PHACTR2: variants seen among roughly 807,000 people sequenced by gnomAD.
PHACTR2 encodes the protein chromosome 6 open reading frame 56.
A neutral mutation model predicts 76.0 loss-of-function variants in PHACTR2; 30 were observed. The ratio of observed to expected loss-of-function variants is 0.39; its 90% confidence interval spans 0.30 to 0.54. The LOEUF (loss-of-function observed/expected upper bound fraction) is 0.54, where lower values mean the gene tolerates loss of function less well. Among genes scored for constraint, PHACTR2 ranks in the 20% least tolerant of loss-of-function variants. The pLI, the probability that PHACTR2 is intolerant of heterozygous loss-of-function variation, is 0.61. For synonymous variants in PHACTR2, 292 were observed against 292.5 expected (o/e 1.00, Z 0.02); for missense variants, 696 against 781.1 (o/e 0.89, Z 1.30).
At chr6:143,747,524 A>G (rs1387405375) in intron 2 of PHACTR2, among the ~76,000 whole-genome samples, 2 of 152,196 alleles carry the variant, frequency 1.3e-5, no homozygotes, top group Non-Finnish European at 2.9e-5. Context: ...TGGATGTGTC[A>G]GAACCTGGTT....
rs935900741 is a variant in PHACTR2 at position 143,795,364 on chromosome 6, T to C, written c.1845+6454T>C. On this transcript the variant is annotated intron_variant, in intron 11 of 12. Coordinates refer to ENST00000440869, the MANE Select transcript of PHACTR2 (RefSeq NM_001100164.2). This position sits in a 1 kb window ranked among gnomAD's most constrained non-coding sequence, Gnocchi z 4.8. ...GGGAGTTCAAGACTGCAATGAGCTGTGATTGTGCCACTGCACTGCAGCCTG... is the reference window on the plus strand; with the variant it reads ...GGGAGTTCAAGACTGCAATGAGCTGCGATTGTGCCACTGCACTGCAGCCTG... Among the ~76,000 whole-genome samples, 1 of 152,132 alleles carries C rather than the reference T, an allele frequency of 6.6e-6. No individual in the cohort carries two copies. Among genetic ancestry groups the C allele is most frequent in the African/African-American group, 2.4e-5 (1 of 41,418 alleles).
rs62427369 is a variant in PHACTR2, at chr6:143,625,972, G to C, written c.13+17650G>C. On this transcript the variant is annotated intron_variant, in intron 1 of 11. Coordinates refer to the PHACTR2 transcript ENST00000305766. The surrounding 1 kb of genome is among the most constrained non-coding windows in gnomAD (Gnocchi z 4.3). ...AGTGACTGGCCATCTAAATGTGACTGGGTTACAAAATTTGGGAGATTTGCA... is the reference window on the plus strand; with the variant it reads ...AGTGACTGGCCATCTAAATGTGACTCGGTTACAAAATTTGGGAGATTTGCA... Among the ~76,000 whole-genome samples the C allele has an allele frequency of 4.5e-3, 684 of 152,270 alleles. 4 individuals carry two copies. Among genetic ancestry groups the C allele is most frequent in the Non-Finnish European group, 7.2e-3 (489 of 68,016 alleles).
At chr6:143,682,799 T>A (rs1227930408) in intron 1 of PHACTR2, among the ~76,000 whole-genome samples, 2 of 152,032 alleles carry the variant, frequency 1.3e-5, no homozygotes, top group Admixed American at 6.6e-5. Context: ...TGTTTTTTTT[T>A]ACCATTAACT....
Position 143,692,390 on chromosome 6 carries a change from C to G in PHACTR2, c.46+14181C>G, listed in dbSNP as rs1345011861. Reference sequence around the variant, plus strand: ...TAAACCAGAACAAGTTAACTGAGCTCATGCCGTGGGTTCCTGTTGGCCTGA... The same window carrying G: ...TAAACCAGAACAAGTTAACTGAGCTGATGCCGTGGGTTCCTGTTGGCCTGA... On this transcript the variant is annotated intron_variant, in intron 1 of 12. Transcript: ENST00000440869. Among the ~76,000 whole-genome samples the G allele has an allele frequency of 2.0e-5, 3 of 152,332 alleles. 1 individual carries two copies. Among genetic ancestry groups the G allele is most frequent in the African/African-American group, 7.2e-5 (3 of 41,562 alleles).
chr6:143,756,470 C>T (rs1263540869), intron 4 of PHACTR2, among the ~76,000 whole-genome samples: 1 of 151,780 alleles, frequency 6.6e-6, no homozygotes, highest in East Asian at 1.9e-4. Context: ...CCGAGGCGGG[C>T]GGATCACGAG....
chr6:143,595,693 C>A lies in PHACTR2; in HGVS notation c.217+58486C>A, dbSNP rs1180785838. 1.3e-5 allele frequency among the ~76,000 whole-genome samples: 2 copies of A among 152,180 alleles called. No homozygotes were observed. Among genetic ancestry groups the A allele is most frequent in the Non-Finnish European group, 2.9e-5 (2 of 68,026 alleles). ...CCTACATTAGTTCCAGTACCCAGCC[C>A]TCTTTCGTGAAGAGGACTAGAGGTG... On this transcript the variant is annotated intron_variant, in intron 1 of 11. Coordinates refer to the PHACTR2 transcript ENST00000367584. The surrounding 1 kb of genome is among the most constrained non-coding windows in gnomAD (Gnocchi z 4.2).
In PHACTR2 at chr6:143,807,091, G is replaced by C; in HGVS notation, c.1880G>C (p.Ser627Thr). The C allele has an allele frequency of 6.2e-7, 1 of 1,607,094 alleles. No homozygotes were observed. The highest frequency in any genetic ancestry group is 8.5e-7 in the Non-Finnish European group (1 of 1,175,138). Residue 627 changes from serine to threonine, a missense_variant, in exon 12 of 13, where the codon AGC becomes ACC. Physicochemically the swap from Ser to Thr is moderately conservative, Grantham distance 58. Around this residue, in one of 2 missense-constraint regions of PHACTR2, gnomAD observed 236 missense variants for 330.2 expected, o/e 0.71. Transcript: ENST00000440869. This position sits in a 1 kb window ranked among gnomAD's most constrained non-coding sequence, Gnocchi z 5.5. Reference sequence around the variant, plus strand: ...AGGAAAGAACTAAATGAATTTAAAAGCACAGAAATGGAAGTTCATGAAGAG... The same window carrying C: ...AGGAAAGAACTAAATGAATTTAAAACCACAGAAATGGAAGTTCATGAAGAG... ...AIRKELNEFK[S>T]TEMEVHEESR...
In PHACTR2 at chr6:143,741,246, G is replaced by A. The variant is rs1162128690; in HGVS notation, c.215-7739G>A. ...ACAAAAATTAGCCAGTCATGGTGGC[G>A]CACGCCTTTAATCCCAGCTACTCAG... On this transcript the variant is annotated intron_variant, in intron 2 of 12. Transcript: ENST00000440869. 2.7e-5 allele frequency among the ~76,000 whole-genome samples: 4 copies of A among 149,506 alleles called. No homozygotes were observed. The East Asian group carries it at 6.0e-4, about 22-fold the overall frequency.
At chr6:143,770,533 G>T (rs2128474692) in intron 6 of PHACTR2, among the ~76,000 whole-genome samples, 1 of 152,262 alleles carries the variant, frequency 6.6e-6, no homozygotes, top group Middle Eastern at 3.4e-3. Flanking sequence ...CAATAAAAAT[G>T]AGATTTCCTA....
In PHACTR2 at chr6:143,549,868, A is replaced by G. The variant is rs1042906108; in HGVS notation, c.217+12661A>G. On this transcript the variant is annotated intron_variant, in intron 1 of 11. Coordinates refer to the PHACTR2 transcript ENST00000367584. The surrounding 1 kb of genome is among the most constrained non-coding windows in gnomAD (Gnocchi z 4.2). ...ATTCAGCCGGTCCCTGGCCTCAACAAGCAAGCTCTTAATCCTAGGTTGTGG... is the reference window on the plus strand; with the variant it reads ...ATTCAGCCGGTCCCTGGCCTCAACAGGCAAGCTCTTAATCCTAGGTTGTGG... Among the ~76,000 whole-genome samples the G allele has an allele frequency of 2.6e-5, 4 of 151,852 alleles. No individual in the cohort carries two copies. Among genetic ancestry groups the G allele is most frequent in the African/African-American group, 9.7e-5 (4 of 41,356 alleles).
In PHACTR2 at chr6:143,559,821, C is replaced by T. The variant is rs187289711; in HGVS notation, c.217+22614C>T. 2.4e-4 allele frequency among the ~76,000 whole-genome samples: 36 copies of T among 148,056 alleles called. No homozygotes were observed. The East Asian group carries it at 7.0e-3, about 29-fold the overall frequency. ...TGCTTCCCAGGTTCAATCGATTCTCCTGCCTCAGCCTCCCAAGTAGCTGGG... is the reference window on the plus strand; with the variant it reads ...TGCTTCCCAGGTTCAATCGATTCTCTTGCCTCAGCCTCCCAAGTAGCTGGG... On this transcript the variant is annotated intron_variant, in intron 1 of 11. Coordinates refer to the PHACTR2 transcript ENST00000367584.
chr6:143,729,768 G>A (rs1053597654), intron 2 of PHACTR2, among the ~76,000 whole-genome samples: 2 of 152,060 alleles, frequency 1.3e-5, no homozygotes, highest in South Asian at 2.1e-4. Flanking sequence ...TGTCAGATAT[G>A]TTACTTGGTG....
intron 2 of PHACTR2, among the ~76,000 whole-genome samples, chr6:143,728,473 T>A (rs1778627972): frequency 6.6e-6 from 1 of 151,868 alleles, no homozygotes; most frequent in Non-Finnish European, 1.5e-5. Flanking sequence ...CTCATGAGAT[T>A]TTTCACAGAC....
chr6:143,786,529 A>T (rs982335290), intron 10 of PHACTR2, among the ~76,000 whole-genome samples: 4 of 152,186 alleles, frequency 2.6e-5, no homozygotes, highest in African/African-American at 7.2e-5. Flanking sequence ...GTATCTTTTC[A>T]GGAACACCCC....
At position 143,659,523 on chromosome 6, in the gene PHACTR2, C is replaced by T. The variant is rs745775930; in HGVS notation, c.13+51201C>T. Reference sequence around the variant, plus strand: ...GAATGCCAGACTGAGGGCTCAGTTTCTTGCTGGCTGTGAGTGGGAGGTTGC... The same window carrying T: ...GAATGCCAGACTGAGGGCTCAGTTTTTTGCTGGCTGTGAGTGGGAGGTTGC... On this transcript the variant is annotated intron_variant, in intron 1 of 11. Coordinates refer to the PHACTR2 transcript ENST00000305766. This position sits in a 1 kb window ranked among gnomAD's most constrained non-coding sequence, Gnocchi z 5.0. 2.0e-5 allele frequency among the ~76,000 whole-genome samples: 3 copies of T among 152,186 alleles called. No homozygotes were observed. Among genetic ancestry groups the T allele is most frequent in the Non-Finnish European group, 2.9e-5 (2 of 68,032 alleles).
At chr6:143,655,023 G>T (rs926264078) in intron 1 of PHACTR2, among the ~76,000 whole-genome samples, 1 of 152,030 alleles carries the variant, frequency 6.6e-6, no homozygotes, top group African/African-American at 2.4e-5. Context: ...CGGGTGTGAT[G>T]GCACATGCCT....
chr6:143,732,896 A>G (rs1778733499), intron 2 of PHACTR2, among the ~76,000 whole-genome samples: 1 of 151,664 alleles, frequency 6.6e-6, no homozygotes, highest in African/African-American at 2.4e-5. Context: ...TTTCTGATTT[A>G]TTTATTTATT....
intron 2 of PHACTR2, among the ~76,000 whole-genome samples, chr6:143,714,881 G>A (rs770087526): frequency 1.1e-4 from 17 of 151,966 alleles, no homozygotes; most frequent in Non-Finnish European, 2.2e-4. Flanking sequence ...TGATTTGGTG[G>A]GAGGTGAGGA....
intron 10 of PHACTR2, among the ~76,000 whole-genome samples, chr6:143,785,543 G>T (rs116958909): frequency 0.038 from 5,780 of 152,234 alleles, 156 homozygotes; most frequent in Non-Finnish European, 0.055. Context: ...GACCCTCTTT[G>T]CACAGCTCCA....
Sources: allele counts gnomAD v4.1 joint callset (sites outside exome capture counted in the v4.1 genomes callset), GRCh38; gene constraint gnomAD v4.1.1; regional missense constraint gnomAD v4.1.1; non-coding constraint Gnocchi (gnomAD v3.1); transcripts MANE v1.5; gene names NCBI Gene and HGNC (gene_info 2026-07-23, HGNC 2026-07-21).